The following MALRD1 variants were observed in gnomAD, a reference collection of about 807,000 sequenced individuals.
MALRD1 encodes MAM and LDL receptor class A domain containing 1, also known as MAM and LDL-receptor class A domain-containing protein 1.
In MALRD1, 247 loss-of-function variants were observed where a neutral mutation model predicts 242.1. The ratio of observed to expected loss-of-function variants is 1.02; its 90% confidence interval spans 0.92 to 1.13. The LOEUF (loss-of-function observed/expected upper bound fraction) is 1.13. Among genes scored for constraint, MALRD1 ranks in the 50% most tolerant of loss-of-function variants. The pLI, the probability that MALRD1 is intolerant of heterozygous loss-of-function variation, is 0.00. For synonymous variants in MALRD1, 995 were observed against 866.6 expected (o/e 1.15, Z -2.60); for missense variants, 2,989 against 2,533.1 (o/e 1.18, Z -3.86).
intron 18 of MALRD1, among the ~76,000 whole-genome samples, chr10:19,252,013 T>G (rs1263279067): frequency 6.6e-6 from 1 of 152,044 alleles, no homozygotes; most frequent in Non-Finnish European, 1.5e-5. Context: ...TCCCAAGCCA[T>G]GCTTACTGTA....
At chr10:19,313,443 C>A (rs561551174) in intron 21 of MALRD1, among the ~76,000 whole-genome samples, 8 of 151,216 alleles carry the variant, frequency 5.3e-5, no homozygotes, top group Non-Finnish European at 1.2e-4. Flanking sequence ...ATCTAATTTA[C>A]AAAGATGATA....
At chr10:19,585,304 T>G (rs1198074126) in intron 33 of MALRD1, among the ~76,000 whole-genome samples, 1 of 152,142 alleles carries the variant, frequency 6.6e-6, no homozygotes, top group African/African-American at 2.4e-5. Flanking sequence ...TTAGTTGATG[T>G]AGTTTCTTTC....
intron 2 of MALRD1, among the ~76,000 whole-genome samples, chr10:19,087,531 C>T (rs1398934505): frequency 7.1e-6 from 1 of 141,304 alleles, no homozygotes; most frequent in Non-Finnish European, 1.5e-5. Flanking sequence ...CTGAATCTAA[C>T]ACGTTGTCTC....
chr10:19,426,687 C>T (rs1425652923), intron 28 of MALRD1, among the ~76,000 whole-genome samples: 3 of 152,080 alleles, frequency 2.0e-5, no homozygotes. Flanking sequence ...CCTGTAGTCC[C>T]AGCTTCTTGG....
chr10:19,175,362 A>G (rs920979512), intron 14 of MALRD1, 34 bp downstream of exon 14: 2 of 1,221,646 alleles, frequency 1.6e-6, no homozygotes, highest in African/African-American at 3.1e-5. Flanking sequence ...GCTGTTTTAA[A>G]CATTGAATTA....
intron 35 of MALRD1, among the ~76,000 whole-genome samples, chr10:19,615,357 A>G (rs937797471): frequency 7.3e-5 from 11 of 151,546 alleles, no homozygotes; most frequent in Non-Finnish European, 1.6e-4. Context: ...CATCTTTACA[A>G]TAATCTAAAA....
At chr10:19,047,266 T>C (rs936509975), upstream of MALRD1, among the ~76,000 whole-genome samples, 3 of 152,042 alleles carry the variant, frequency 2.0e-5, no homozygotes, top group African/African-American at 4.8e-5. Flanking sequence ...TACCATTCAT[T>C]GAAATATGGA....
At chr10:19,455,938 C>A (rs767293900) in intron 29 of MALRD1, among the ~76,000 whole-genome samples, 2 of 152,138 alleles carry the variant, frequency 1.3e-5, no homozygotes, top group Non-Finnish European at 2.9e-5. Flanking sequence ...GTGTGTTCCC[C>A]TCCATGTTTT....
chr10:19,620,051 G>C (rs980781500), intron 36 of MALRD1, among the ~76,000 whole-genome samples: 2 of 150,782 alleles, frequency 1.3e-5, no homozygotes, highest in African/African-American at 4.9e-5. Context: ...TTTATATTTT[G>C]TGGCAGAAAA....
intron 36 of MALRD1, among the ~76,000 whole-genome samples, chr10:19,688,113 G>T (rs1272018621): frequency 6.6e-6 from 1 of 152,076 alleles, no homozygotes; most frequent in Non-Finnish European, 1.5e-5. Flanking sequence ...GGGATTACAG[G>T]CACCCGCCAC....
At chr10:19,077,729 T>C (rs750799703) in intron 2 of MALRD1, among the ~76,000 whole-genome samples, 3 of 151,846 alleles carry the variant, frequency 2.0e-5, no homozygotes, top group Non-Finnish European at 4.4e-5. Flanking sequence ...GAGTGACACA[T>C]CAGTTAAGGG....
chr10:19,248,029 A>G (rs1839140128), intron 18 of MALRD1, among the ~76,000 whole-genome samples: 1 of 152,046 alleles, frequency 6.6e-6, no homozygotes, highest in South Asian at 2.1e-4. Flanking sequence ...TTATTTGAGC[A>G]TGGTGTGCTA....
intron 26 of MALRD1, among the ~76,000 whole-genome samples, chr10:19,368,864 T>C (rs2130735981): frequency 7.8e-6 from 1 of 128,190 alleles, no homozygotes. Context: ...TTTTTGGTGA[T>C]TTGTGTATGT....
chr10:19,376,412 G>A (rs2130767951), intron 26 of MALRD1, among the ~76,000 whole-genome samples: 1 of 152,254 alleles, frequency 6.6e-6, no homozygotes, highest in East Asian at 1.9e-4. Context: ...GGGACAGACA[G>A]GAGGGGGAGG....
At chr10:19,347,110 C>T (rs1451714572) in intron 24 of MALRD1, among the ~76,000 whole-genome samples, 1 of 151,978 alleles carries the variant, frequency 6.6e-6, no homozygotes, top group Non-Finnish European at 1.5e-5. Flanking sequence ...TTACTTGCCG[C>T]ACGATAAAAA....
chr10:19,322,787 A>G (rs1842956502), intron 21 of MALRD1, among the ~76,000 whole-genome samples: 1 of 152,178 alleles, frequency 6.6e-6, no homozygotes, highest in Admixed American at 6.5e-5. Flanking sequence ...CCCCAAAATG[A>G]TAAAAAATTT....
intron 4 of MALRD1, among the ~76,000 whole-genome samples, chr10:19,095,165 G>T (rs770662223): frequency 2.0e-5 from 3 of 152,056 alleles, no homozygotes; most frequent in Non-Finnish European, 4.4e-5. Flanking sequence ...TCAATTTTAC[G>T]TTCGATTCTT....
intron 36 of MALRD1, among the ~76,000 whole-genome samples, chr10:19,661,900 G>T (rs1841457822): frequency 6.6e-6 from 1 of 152,126 alleles, no homozygotes; most frequent in Non-Finnish European, 1.5e-5. Context: ...GCTATTGTCA[G>T]AAACGATACA....
intron 17 of MALRD1, among the ~76,000 whole-genome samples, chr10:19,206,234 C>T (rs1836777416): frequency 6.6e-6 from 1 of 151,962 alleles, no homozygotes; most frequent in Non-Finnish European, 1.5e-5. Flanking sequence ...TTTCCATATA[C>T]ATCATCGTAG....
Sources: allele counts gnomAD v4.1 joint callset (sites outside exome capture counted in the v4.1 genomes callset), GRCh38; gene constraint gnomAD v4.1.1; transcripts MANE v1.5; gene names NCBI Gene and HGNC (gene_info 2026-07-23, HGNC 2026-07-21).